FBXO34: variants seen among roughly 807,000 people sequenced by gnomAD.
FBXO34 encodes the protein F-box protein 34, also known as F-box only protein 34.
Under a neutral mutation model 24.5 loss-of-function variants are expected in FBXO34, and 12 were observed. The ratio of observed to expected loss-of-function variants is 0.49; its 90% CI spans 0.31 to 0.79. FBXO34 has a LOEUF of 0.79. Ranked by LOEUF, FBXO34 falls within the 30% of genes least tolerant of loss-of-function variation. The pLI, the probability that FBXO34 is intolerant of heterozygous loss-of-function variation, is 0.04. For missense variants in FBXO34, 823 were observed against 857.7 expected (o/e 0.96, Z 0.51); for synonymous variants, 320 against 311.9 (o/e 1.03, Z -0.27).
intron 1 of FBXO34, among the ~76,000 whole-genome samples, chr14:55,349,534 C>G (rs1884267623): frequency 2.0e-5 from 3 of 148,838 alleles, no homozygotes; most frequent in Non-Finnish European, 4.4e-5. Context: ...ACACAGGAAG[C>G]AAATGAAAAA....
At position 55,352,704 on chromosome 14, in the gene FBXO34, T is replaced by C. The variant is rs1047594682; in HGVS notation, c.*178T>C. On this transcript the variant is annotated 3_prime_UTR_variant, in exon 2 of 2. Transcript: ENST00000313833. Reference sequence around the variant, plus strand: ...TTTACGAGCTGTACAAAAAAATTGGTCTTGTTGTTTATAGTGGCATCTCAT... The same window carrying C: ...TTTACGAGCTGTACAAAAAAATTGGCCTTGTTGTTTATAGTGGCATCTCAT... 32 of 606,586 alleles carry C rather than the reference T, an allele frequency of 5.3e-5. 1 individual carries two copies. Among genetic ancestry groups the C allele is most frequent in the Admixed American group, 2.5e-4 (7 of 27,644 alleles). The allele number at this position is 606,586 out of a possible 1,614,324, so 37.6% of individuals were successfully genotyped here.
intron 1 of FBXO34, among the ~76,000 whole-genome samples, chr14:55,327,453 C>A (rs1397923155): frequency 1.3e-5 from 2 of 152,120 alleles, no homozygotes; most frequent in African/African-American, 4.8e-5. Flanking sequence ...TGACTTAAAA[C>A]AGGGTAGTAG....
chr14:55,373,853 G>A (rs555899247), downstream of FBXO34, among the ~76,000 whole-genome samples: 5 of 150,830 alleles, frequency 3.3e-5, no homozygotes, highest in South Asian at 1.0e-3. Context: ...CCTCAGTTGT[G>A]CCGGTCTGAA....
At chr14:55,287,429 A>C in intron 1 of FBXO34, among the ~76,000 whole-genome samples, 1 of 152,320 alleles carries the variant, frequency 6.6e-6, no homozygotes, top group Non-Finnish European at 1.5e-5. Context: ...ACACATAAGT[A>C]TAAGAAAAAA....
intron 1 of FBXO34, among the ~76,000 whole-genome samples, chr14:55,281,625 A>G (rs553913002): frequency 2.6e-5 from 4 of 152,048 alleles, no homozygotes; most frequent in Non-Finnish European, 5.9e-5. Context: ...TTCTCCTTTC[A>G]TTTCTCCAAA....
chr14:55,326,581 A>C (rs1276348846), intron 1 of FBXO34, among the ~76,000 whole-genome samples: 1 of 152,176 alleles, frequency 6.6e-6, no homozygotes, highest in African/African-American at 2.4e-5. Flanking sequence ...GCTGTCCAAA[A>C]ATGATTTTTA....
the FBXO34 span, among the ~76,000 whole-genome samples, chr14:55,392,388 C>A: frequency 6.6e-6 from 1 of 152,130 alleles, no homozygotes; most frequent in African/African-American, 2.4e-5. Context: ...GTGACTCACA[C>A]CTGTAATCCT....
chr14:55,408,049 T>C, the FBXO34 span, among the ~76,000 whole-genome samples: 1 of 152,174 alleles, frequency 6.6e-6, no homozygotes, highest in African/African-American at 2.4e-5. Flanking sequence ...CGTAATACAT[T>C]CTAGGCATCA....
At chr14:55,411,802 C>A in the FBXO34 span, 1 of 1,597,620 alleles carries the variant, frequency 6.3e-7, no homozygotes, top group East Asian at 2.3e-5. Context: ...CCCGGGCTCC[C>A]TTCCCACTGG....
At chr14:55,288,208 C>T (rs1337104769) in intron 1 of FBXO34, among the ~76,000 whole-genome samples, 3 of 152,102 alleles carry the variant, frequency 2.0e-5, no homozygotes, top group East Asian at 1.9e-4. Flanking sequence ...TGTGGTTAGT[C>T]ATCTTTTGGC....
intron 1 of FBXO34, among the ~76,000 whole-genome samples, chr14:55,300,761 T>A (rs1036404087): frequency 6.6e-6 from 1 of 152,214 alleles, no homozygotes. Flanking sequence ...ATGGTAAAAT[T>A]TAAAACAGTT....
intron 3 of FBXO34, among the ~76,000 whole-genome samples, chr14:55,360,288 G>A (rs1884576296): frequency 6.6e-6 from 1 of 151,992 alleles, no homozygotes; most frequent in African/African-American, 2.4e-5. Context: ...GGCCAGGCTG[G>A]TCTTGAACTC....
At chr14:55,402,945 AT>A in the FBXO34 span, among the ~76,000 whole-genome samples, 3 of 68,974 alleles carry the variant, frequency 4.3e-5, no homozygotes, top group East Asian at 4.0e-4. Context: ...ATATATATAT[AT>A]ATATATATAT....
chr14:55,440,289 C>T, the FBXO34 span: 1 of 1,376,398 alleles, frequency 7.3e-7, no homozygotes, highest in Non-Finnish European at 1.0e-6. Context: ...AAACCAAGCC[C>T]GCCTCTTATG....
At chr14:55,395,235 C>G in the FBXO34 span, 2 of 361,800 alleles carry the variant, frequency 5.5e-6, no homozygotes, top group African/African-American at 4.3e-5. Context: ...CTTGGGCATC[C>G]TGGCTGCAGG....
chr14:55,358,666 G>A (rs1884553915), intron 3 of FBXO34, among the ~76,000 whole-genome samples: 1 of 152,220 alleles, frequency 6.6e-6, no homozygotes, highest in Non-Finnish European at 1.5e-5. Flanking sequence ...CAAAGGATTG[G>A]CCCTACTAAT....
the FBXO34 span, among the ~76,000 whole-genome samples, chr14:55,376,021 G>A: frequency 2.0e-5 from 3 of 152,164 alleles, no homozygotes; most frequent in Admixed American, 2.0e-4. Flanking sequence ...GCATCTATCA[G>A]GTCGATCTTA....
At chr14:55,350,218 A>AT (rs1480721529) in intron 1 of FBXO34, among the ~76,000 whole-genome samples, 163 bp from the exon 2 acceptor site, 1 of 151,330 alleles carries the variant, frequency 6.6e-6, no homozygotes, top group Non-Finnish European at 1.5e-5. Context: ...GTTATTCTTG[A>AT]TATGTGCAGT....
rs1231541476 is a variant in FBXO34 at position 55,351,401 on chromosome 14, C to T, written c.1011C>T (p.Asp337=). 3.1e-6 allele frequency: 5 copies of T among 1,614,218 alleles called. No homozygotes were observed. Among genetic ancestry groups the T allele is most frequent in the South Asian group, 2.2e-5 (2 of 91,088 alleles). ...AGAAAGGCGTCTTGGAGGCACCTGA[C>T]ACTCAGGTGAATCCTGTGGGGTCTG... The part of the protein sequence containing the change: ...KTKKGVLEAP[D]TQVNPVGSVS... The change falls in exon 2 of 2, where the codon GAC becomes GAT. Residue 337 remains aspartate (D), a synonymous_variant. Transcript: ENST00000313833.
Sources: gnomAD v4.1 joint callset for allele counts (sites outside exome capture counted in the v4.1 genomes callset) on GRCh38, gnomAD v4.1.1 for gene constraint, MANE v1.5 for transcripts, NCBI Gene and HGNC (gene_info 2026-07-23, HGNC 2026-07-21) for gene names.